The following RMND5A variants were observed in gnomAD, a reference collection of about 807,000 sequenced individuals.
RMND5A encodes required for meiotic nuclear division 5 homolog A.
In RMND5A, 17 loss-of-function variants were observed where a neutral mutation model predicts 49.7. The observed-to-expected ratio is 0.34, with a 90% confidence interval of 0.23 to 0.51. The LOEUF (loss-of-function observed/expected upper bound fraction) is 0.51. RMND5A is among the 20% of genes least tolerant of loss of function. RMND5A has a pLI of 0.96. For missense variants in RMND5A, 255 were observed against 471.3 expected, an observed-to-expected ratio of 0.54 and a Z score of 4.25; for synonymous variants, 156 against 167.7, an observed-to-expected ratio of 0.93 and a Z score of 0.54.
chr2:86,760,625 A>G (rs1672462911), intron 4 of RMND5A, among the ~76,000 whole-genome samples: 1 of 152,202 alleles, frequency 6.6e-6, no homozygotes, highest in African/African-American at 2.4e-5. Context: ...CTCAGGCAAC[A>G]GCTGTGTGGG....
At chr2:86,757,339 C>CT (rs1202653274) in intron 4 of RMND5A, among the ~76,000 whole-genome samples, 1 of 152,172 alleles carries the variant, frequency 6.6e-6, no homozygotes, top group East Asian at 1.9e-4. Context: ...CCTTGTACCT[C>CT]TGAGTTTGTA....
chr2:86,751,510 T>C (rs1432727852), intron 2 of RMND5A, among the ~76,000 whole-genome samples: 2 of 152,216 alleles, frequency 1.3e-5, no homozygotes, highest in Admixed American at 6.5e-5. Flanking sequence ...ATTATGTTGA[T>C]AGGCATATGT....
intron 1 of RMND5A, among the ~76,000 whole-genome samples, 183 bp from the exon 2 acceptor site, chr2:86,740,744 A>G (rs1198866999): frequency 6.6e-6 from 1 of 151,446 alleles, no homozygotes; most frequent in Non-Finnish European, 1.5e-5. Flanking sequence ...AAATAAAAAA[A>G]TTATATCTTT....
At chr2:86,751,521 G>A (rs1448266979) in intron 2 of RMND5A, among the ~76,000 whole-genome samples, 3 of 152,092 alleles carry the variant, frequency 2.0e-5, no homozygotes, top group Non-Finnish European at 4.4e-5. Context: ...AGGCATATGT[G>A]TTTTCTCCTT....
At chr2:86,768,373 A>G (rs1407274517) in intron 6 of RMND5A, among the ~76,000 whole-genome samples, 1 of 152,222 alleles carries the variant, frequency 6.6e-6, no homozygotes, top group East Asian at 1.9e-4. Flanking sequence ...TGCATTCCAC[A>G]GGGTGCTCCA....
Position 86,720,692 on chromosome 2 carries a change from C to G in RMND5A, c.25C>G (p.Arg9Gly), listed in dbSNP as rs1408267278. The change falls in exon 1 of 9, where the codon CGC (arginine) becomes GGC (glycine). Residue 9 changes from arginine to glycine, a missense_variant. By Grantham distance (125) the Arg-to-Gly change is moderately radical. Transcript: ENST00000283632. ...CATGGATCAGTGCGTGACGGTGGAG[C>G]GCGAGCTGGAGAAGGTGCTGCACAA... is the stretch of plus-strand genomic sequence containing the variant. The part of the protein sequence containing the change: MDQCVTVE[R>G]ELEKVLHKFS... 6.4e-7 allele frequency: 1 copy of G among 1,570,518 alleles called. No homozygotes were observed. Among genetic ancestry groups the G allele is most frequent in the Non-Finnish European group, 8.6e-7 (1 of 1,160,590 alleles).
At chr2:86,744,266 C>A (rs1455927682) in intron 2 of RMND5A, among the ~76,000 whole-genome samples, 1 of 152,158 alleles carries the variant, frequency 6.6e-6, no homozygotes, top group Non-Finnish European at 1.5e-5. Flanking sequence ...CTTGTTAAGT[C>A]CTCCAGGAGC....
At chr2:86,764,966 A>C (rs1672565626) in intron 4 of RMND5A, 61 bp from the exon 5 acceptor site, 1 of 1,497,614 alleles carries the variant, frequency 6.7e-7, no homozygotes, top group Non-Finnish European at 9.0e-7. Context: ...GGTTTCAAAT[A>C]GTTTTTAAGA....
chr2:86,754,456 C>T (rs979933808), intron 4 of RMND5A, among the ~76,000 whole-genome samples: 4 of 152,224 alleles, frequency 2.6e-5, no homozygotes, highest in African/African-American at 9.6e-5. Context: ...ATCAGTGTTA[C>T]AGGGTTAGCT....
intron 2 of RMND5A, among the ~76,000 whole-genome samples, chr2:86,742,367 G>A (rs1681463400): frequency 6.6e-6 from 1 of 151,822 alleles, no homozygotes; most frequent in Non-Finnish European, 1.5e-5. Flanking sequence ...TGGGGAGATT[G>A]TGAAATGGCT....
chr2:86,763,308 A>G (rs1036454914), intron 4 of RMND5A, among the ~76,000 whole-genome samples: 10 of 152,318 alleles, frequency 6.6e-5, no homozygotes, highest in African/African-American at 2.2e-4. Context: ...GTAGGAAAAC[A>G]TACTCATGCT....
intron 4 of RMND5A, among the ~76,000 whole-genome samples, chr2:86,762,537 TG>T (rs1198095590): frequency 2.0e-5 from 3 of 151,728 alleles, no homozygotes; most frequent in Non-Finnish European, 1.5e-5. Context: ...CCCACCTACT[TG>T]GGAGGCCGAG....
chr2:86,760,629 G>T (rs773072362), intron 4 of RMND5A, among the ~76,000 whole-genome samples: 3 of 152,200 alleles, frequency 2.0e-5, no homozygotes, highest in Admixed American at 1.3e-4. Flanking sequence ...GGCAACAGCT[G>T]TGTGGGTTGT....
intron 4 of RMND5A, among the ~76,000 whole-genome samples, chr2:86,761,495 T>C (rs564226748): frequency 6.6e-6 from 1 of 152,270 alleles, no homozygotes; most frequent in South Asian, 2.1e-4. Context: ...GATTTCACCT[T>C]AATTGCTTAC....
At chr2:86,747,032 A>C (rs1168851081) in intron 2 of RMND5A, among the ~76,000 whole-genome samples, 1 of 152,224 alleles carries the variant, frequency 6.6e-6, no homozygotes, top group African/African-American at 2.4e-5. Context: ...TATATGCCTA[A>C]ATATGGATTA....
chr2:86,755,832 G>A lies in RMND5A; in HGVS notation c.521+2274G>A, dbSNP rs143361170. Among the ~76,000 whole-genome samples, 66 of 152,258 alleles carry A rather than the reference G, an allele frequency of 4.3e-4. 2 individuals are homozygous for A. The East Asian group carries it at 0.01, about 24-fold the overall frequency. On this transcript the variant is annotated intron_variant, in intron 4 of 8. Coordinates refer to ENST00000283632, the MANE Select transcript of RMND5A (RefSeq NM_022780.4). ...ATTTTCTCATTTCATGTTTCTGGGA[G>A]TAGTGTTTAATATCAGCATGAGGGA...
At chr2:86,759,066 C>T (rs1681797290) in intron 4 of RMND5A, among the ~76,000 whole-genome samples, 1 of 152,140 alleles carries the variant, frequency 6.6e-6, no homozygotes, top group African/African-American at 2.4e-5. Flanking sequence ...GTGGAATGTG[C>T]TGTGGGATTG....
At chr2:86,754,712 T>C (rs1359351015) in intron 4 of RMND5A, among the ~76,000 whole-genome samples, 1 of 152,068 alleles carries the variant, frequency 6.6e-6, no homozygotes, top group Non-Finnish European at 1.5e-5. Flanking sequence ...TGTGCCGTTA[T>C]GCCCAGCTAA....
chr2:86,754,795 A>G (rs1681701559), intron 4 of RMND5A, among the ~76,000 whole-genome samples: 1 of 152,148 alleles, frequency 6.6e-6, no homozygotes, highest in East Asian at 1.9e-4. Flanking sequence ...TCCTGAGCTC[A>G]AGTGATTCTC....
Sources: gnomAD v4.1 joint callset for allele counts (sites outside exome capture counted in the v4.1 genomes callset) on GRCh38, gnomAD v4.1.1 for gene constraint, MANE v1.5 for transcripts, NCBI Gene and HGNC (gene_info 2026-07-23, HGNC 2026-07-21) for gene names.